The following HADH variants were observed in gnomAD, a reference collection of about 807,000 sequenced individuals.
HADH encodes hydroxyacyl-coenzyme A dehydrogenase, mitochondrial.
A neutral mutation model predicts 32.2 loss-of-function variants in HADH; 24 were observed. The observed-to-expected ratio is 0.75, with a 90% CI of 0.54 to 1.05. The LOEUF is 1.05. Ranked by LOEUF, HADH falls within the 50% of genes least tolerant of loss-of-function variation. The pLI is 0.00. For synonymous variants in HADH, 139 were observed against 152.5 expected, an observed-to-expected ratio of 0.91 and a Z score of 0.65; for missense variants, 350 against 397.1, an observed-to-expected ratio of 0.88 and a Z score of 1.01.
At chr4:108,008,419 G>C (rs1410668654) in intron 1 of HADH, among the ~76,000 whole-genome samples, 2 of 152,212 alleles carry the variant, frequency 1.3e-5, no homozygotes, top group Non-Finnish European at 2.9e-5. Flanking sequence ...CATGAGTGCA[G>C]TTGAAATAAC....
intron 4 of HADH, among the ~76,000 whole-genome samples, chr4:108,022,674 T>C (rs1353597964): frequency 1.3e-5 from 2 of 152,194 alleles, no homozygotes; most frequent in Non-Finnish European, 2.9e-5. Context: ...TAGAAGACTT[T>C]AAGGGCAACC....
rs732941 is a variant in HADH, at chr4:108,023,948, A to G, written c.636+385A>G. Reference sequence around the variant, plus strand: ...AGAAAATGAGGGCTTTACTTTTGCAAGAAATACTACAGATGGTGAAATAAA... The same window carrying G: ...AGAAAATGAGGGCTTTACTTTTGCAGGAAATACTACAGATGGTGAAATAAA... On this transcript the variant is annotated intron_variant, in intron 5 of 7. Coordinates refer to ENST00000309522, the MANE Select transcript of HADH (RefSeq NM_005327.7). 145,935 of 188,492 alleles carry G rather than the reference A, an allele frequency of 0.77. 59,478 individuals are homozygous for G. Among genetic ancestry groups the G allele is most frequent in the East Asian group, 0.96 (7,901 of 8,210 alleles). The allele number at this position is 188,492 out of a possible 1,614,324, so 11.7% of individuals were successfully genotyped here. A position where few individuals can be genotyped will look rare whatever the true frequency, so the allele number is the denominator to read the frequency against.
intron 6 of HADH, chr4:108,028,327 T>C (rs575089196): frequency 9.3e-5 from 15 of 160,510 alleles, no homozygotes; most frequent in Admixed American, 2.9e-4. Context: ...TGTAGAAATA[T>C]CAGATTTGGG....
At chr4:108,016,930 G>C (rs1735712227) in intron 3 of HADH, among the ~76,000 whole-genome samples, 1 of 152,190 alleles carries the variant, frequency 6.6e-6, no homozygotes, top group South Asian at 2.1e-4. Flanking sequence ...AGTGCCTGCT[G>C]TGTATCAGGC....
At chr4:107,997,351 G>A (rs1734985990) in intron 1 of HADH, among the ~76,000 whole-genome samples, 1 of 152,200 alleles carries the variant, frequency 6.6e-6, no homozygotes, top group South Asian at 2.1e-4. Flanking sequence ...GGAGATGGGA[G>A]GGAGACCAGT....
chr4:107,999,589 A>G (rs1423512514), intron 1 of HADH, among the ~76,000 whole-genome samples: 3 of 152,248 alleles, frequency 2.0e-5, no homozygotes, highest in East Asian at 1.9e-4. Context: ...AAAACCAGTC[A>G]TGACTTCTTG....
At chr4:107,996,523 GC>G (rs1734962900) in intron 1 of HADH, among the ~76,000 whole-genome samples, 2 of 152,274 alleles carry the variant, frequency 1.3e-5, no homozygotes, top group South Asian at 4.1e-4. Context: ...CACTTTCTTT[GC>G]CTTTTAGAAA....
intron 6 of HADH, chr4:108,031,276 G>A (rs1460832191): frequency 6.6e-6 from 1 of 152,274 alleles, no homozygotes; most frequent in Non-Finnish European, 1.5e-5. Flanking sequence ...TATATGCAGG[G>A]AGGAGAAGAG....
At chr4:108,004,847 C>A in intron 1 of HADH, 1 of 1,535,580 alleles carries the variant, frequency 6.5e-7, no homozygotes, top group South Asian at 1.2e-5. Context: ...CATGACCCTG[C>A]GGAGATGTTA....
Position 108,009,890 on chromosome 4 carries a change from A to G in HADH, c.261+3A>G. 1 of 1,599,054 alleles carries G rather than the reference A, an allele frequency of 6.3e-7. No homozygotes were observed. The highest frequency in any genetic ancestry group is 8.6e-7 in the Non-Finnish European group (1 of 1,166,396). ...AGAAGTTTGCAGAAAACCTTAAGGT[A>G]ATTTCTTATTATCGATGTCTTCAAG... On this transcript the variant is annotated splice_donor_region_variant and intron_variant, in intron 2 of 7. Transcript: ENST00000309522.
At position 108,003,931 on chromosome 4, in the gene HADH, T is replaced by G. The variant is rs145933310; in HGVS notation, c.133-5828T>G. ...CCCAACAACCCTGTTGCCCCTGTTTTATAGATGAGGAGACAGCCTGCTGAG... is the reference window on the plus strand; with the variant it reads ...CCCAACAACCCTGTTGCCCCTGTTTGATAGATGAGGAGACAGCCTGCTGAG... On this transcript the variant is annotated intron_variant, in intron 1 of 7. Transcript: ENST00000309522. 2.9e-3 allele frequency among the ~76,000 whole-genome samples: 442 copies of G among 152,284 alleles called. 3 individuals are homozygous for G. Among genetic ancestry groups the G allele is most frequent in the African/African-American group, 0.01 (417 of 41,550 alleles).
chr4:107,993,732 T>TA (rs1008951844), intron 1 of HADH, among the ~76,000 whole-genome samples: 8 of 152,100 alleles, frequency 5.3e-5, no homozygotes, highest in Admixed American at 5.2e-4. Context: ...TGTTTTAAAT[T>TA]AAAAAAACAA....
intron 1 of HADH, among the ~76,000 whole-genome samples, chr4:108,001,610 G>A (rs1243531124): frequency 6.6e-6 from 1 of 152,222 alleles, no homozygotes; most frequent in Non-Finnish European, 1.5e-5. Flanking sequence ...CTCAGTGGAT[G>A]CGTGAAACTG....
At chr4:108,028,029 G>T (rs80019902) in intron 6 of HADH, 4 of 538,612 alleles carry the variant, frequency 7.4e-6, no homozygotes, top group African/African-American at 1.9e-5. Flanking sequence ...TTGCATGGCC[G>T]GCCCAGATTG....
chr4:107,989,917 C>T lies in HADH; in HGVS notation c.-16C>T. ...CCCTGCCCGGGTCTCCTCGCTGTCGCCGCCGCTGCCACACCATGGCCTTCG... is the reference window on the plus strand; with the variant it reads ...CCCTGCCCGGGTCTCCTCGCTGTCGTCGCCGCTGCCACACCATGGCCTTCG... On this transcript the variant is annotated 5_prime_UTR_variant, in exon 1 of 8. Transcript: ENST00000309522. The T allele has an allele frequency of 1.9e-6, 3 of 1,610,220 alleles. No individual in the cohort carries two copies. The highest frequency in any genetic ancestry group is 2.5e-6 in the Non-Finnish European group (3 of 1,178,964).
chr4:107,990,370 AAG>A (rs781583848), intron 1 of HADH, among the ~76,000 whole-genome samples: 7 of 152,226 alleles, frequency 4.6e-5, no homozygotes, highest in Non-Finnish European at 1.0e-4. Flanking sequence ...CGGGCCGTGC[AAG>A]AGAAGAAAGA....
chr4:107,990,050 G>A lies in HADH; in HGVS notation c.118G>A (p.Ala40Thr), dbSNP rs137853101. The A allele has an allele frequency of 1.9e-6, 3 of 1,610,048 alleles. No homozygotes were observed. Among genetic ancestry groups the A allele is most frequent in the Non-Finnish European group, 2.5e-6 (3 of 1,178,932 alleles). Residue 40 changes from alanine to threonine, a missense_variant, in exon 1 of 8, where the codon GCC becomes ACC. By Grantham distance (58) the Ala-to-Thr change is moderately conservative (BLOSUM62 0). Coordinates refer to ENST00000309522, the MANE Select transcript of HADH (RefSeq NM_005327.7). ...VTVIGGGLMG[A>T]GIAQVAAATG... ...GGTCATCGGCGGCGGGCTGATGGGCGCCGGCATTGCCCAGGTGAGCGGCCC... is the reference window on the plus strand; with the variant it reads ...GGTCATCGGCGGCGGGCTGATGGGCACCGGCATTGCCCAGGTGAGCGGCCC...
chr4:108,002,119 C>T (rs1220172059), intron 1 of HADH, among the ~76,000 whole-genome samples: 1 of 152,190 alleles, frequency 6.6e-6, no homozygotes, highest in East Asian at 1.9e-4. Context: ...TTTGCCTCTT[C>T]TCCCTTCTGC....
At chr4:108,019,804 A>T in intron 4 of HADH, 138 bp downstream of exon 4, 8 of 932,632 alleles carry the variant, frequency 8.6e-6, no homozygotes, top group Non-Finnish European at 1.1e-5. Context: ...CCTGAGCCTC[A>T]TATCTAGGAG....
Sources: allele counts gnomAD v4.1 joint callset (sites outside exome capture counted in the v4.1 genomes callset), GRCh38; gene constraint gnomAD v4.1.1; transcripts MANE v1.5; gene names NCBI Gene and HGNC (gene_info 2026-07-23, HGNC 2026-07-21).